The following STK32C variants were observed in gnomAD, a reference collection of about 807,000 sequenced individuals.
STK32C encodes serine/threonine kinase 32C.
A neutral mutation model predicts 56.5 loss-of-function variants in STK32C; 31 were observed. The ratio of observed to expected loss-of-function variants is 0.55; its 90% CI spans 0.41 to 0.74. STK32C has a LOEUF of 0.74. STK32C is among the 30% of genes least tolerant of loss of function. STK32C has a pLI of 0.00. For synonymous variants in STK32C, 309 were observed against 289.4 expected (o/e 1.07, Z -0.69); for missense variants, 544 against 676.9 (o/e 0.80, Z 2.18).
intron 1 of STK32C, among the ~76,000 whole-genome samples, chr10:132,259,321 C>T (rs912801893): frequency 3.3e-5 from 5 of 152,226 alleles, no homozygotes; most frequent in African/African-American, 1.2e-4. Context: ...TATGGTTTGG[C>T]TCTATGTCCC....
At chr10:132,240,494 A>AGCCC (rs900836436) in intron 2 of STK32C, among the ~76,000 whole-genome samples, 12 of 152,174 alleles carry the variant, frequency 7.9e-5, no homozygotes, top group African/African-American at 2.7e-4. Flanking sequence ...GGAGCTGGGG[A>AGCCC]GCCCGGCCAG....
intron 1 of STK32C, among the ~76,000 whole-genome samples, chr10:132,268,083 G>A (rs1198653345): frequency 2.0e-5 from 3 of 150,960 alleles, no homozygotes; most frequent in Non-Finnish European, 4.4e-5. Flanking sequence ...GTGTGTGTGT[G>A]TCGGTGTGTG....
At chr10:132,296,516 A>C (rs938820358) in intron 1 of STK32C, among the ~76,000 whole-genome samples, 12 of 152,286 alleles carry the variant, frequency 7.9e-5, no homozygotes, top group Middle Eastern at 6.8e-3. Context: ...AACTATCCTG[A>C]AATTTAAAAG....
Position 132,324,375 on chromosome 10 carries a change from T to C in STK32C, c.302-2A>G, listed in dbSNP as rs2066459947. On this transcript the variant is annotated splice_acceptor_variant, in intron 1 of 1. Transcript: ENST00000368619. LOFTEE classifies it high-confidence loss of function. ...TCCTGGGGTGTGCTCTCAGAAGACC[T>C]ATATGAGGAAACAGAGGTCATCTTC... is the stretch of plus-strand genomic sequence containing the variant. The C allele has an allele frequency of 1.3e-6, 1 of 776,872 alleles. No individual in the cohort carries two copies. The highest frequency in any genetic ancestry group is 1.4e-5 in the South Asian group (1 of 74,042). The allele number at this position is 776,872 out of a possible 1,614,324, so 48.1% of individuals were successfully genotyped here.
intron 1 of STK32C, among the ~76,000 whole-genome samples, chr10:132,269,706 C>A (rs1394891117): frequency 6.6e-6 from 1 of 152,262 alleles, no homozygotes; most frequent in Non-Finnish European, 1.5e-5. Context: ...CAGACCCTTG[C>A]CTCGCCTTGC....
chr10:132,291,016 C>T (rs1223219535), intron 1 of STK32C, among the ~76,000 whole-genome samples: 2 of 152,244 alleles, frequency 1.3e-5, no homozygotes, highest in African/African-American at 2.4e-5. Context: ...TCCCTTCCGG[C>T]TCTCTCCTGC....
intron 1 of STK32C, among the ~76,000 whole-genome samples, chr10:132,268,876 C>T (rs576471581): frequency 4.0e-5 from 5 of 124,588 alleles, no homozygotes; most frequent in African/African-American, 9.3e-5. Context: ...TGTCCCACAT[C>T]GTGTGTATGT....
rs11812943 is a variant in STK32C at position 132,210,184 on chromosome 10, G to A, written c.1252-1083C>T. On this transcript the variant is annotated intron_variant, in intron 10 of 11. Transcript: ENST00000298630. ...GAGACGGACAACAGCATGCTTTCACGGCCCCAGCCAGGGCTAAGGGGACTC... is the reference window on the plus strand; with the variant it reads ...GAGACGGACAACAGCATGCTTTCACAGCCCCAGCCAGGGCTAAGGGGACTC... Among the ~76,000 whole-genome samples the A allele has an allele frequency of 2.6e-3, 389 of 152,254 alleles. 4 individuals are homozygous for A. Among genetic ancestry groups the A allele is most frequent in the African/African-American group, 9.0e-3 (374 of 41,568 alleles).
intron 1 of STK32C, among the ~76,000 whole-genome samples, chr10:132,294,225 G>C (rs1289633130): frequency 6.6e-6 from 1 of 152,146 alleles, no homozygotes; most frequent in Admixed American, 6.6e-5. Flanking sequence ...CAGAGTCAGA[G>C]ACGAGGAGGA....
intron 1 of STK32C, among the ~76,000 whole-genome samples, chr10:132,295,510 G>A (rs548858492): frequency 9.9e-5 from 15 of 152,228 alleles, no homozygotes; most frequent in Non-Finnish European, 2.1e-4. Flanking sequence ...TACAACCAGC[G>A]TGTAAAATCA....
chr10:132,308,706 C>A (rs541584786), upstream of STK32C, among the ~76,000 whole-genome samples: 631 of 152,318 alleles, frequency 4.1e-3, 6 homozygotes, highest in African/African-American at 0.015. Context: ...CGGCCTGAGA[C>A]CGCGTGCCCG....
intron 1 of STK32C, among the ~76,000 whole-genome samples, chr10:132,325,495 G>A (rs2066479092): frequency 6.6e-6 from 1 of 151,238 alleles, no homozygotes; most frequent in African/African-American, 2.4e-5. Flanking sequence ...GGAGCTTCCA[G>A]TGAGCCGAGA....
upstream of STK32C, among the ~76,000 whole-genome samples, chr10:132,311,051 A>AC (rs1051884985): frequency 2.3e-4 from 35 of 152,126 alleles, no homozygotes; most frequent in African/African-American, 8.5e-4. The surrounding 1 kb of genome is among the most constrained non-coding windows in gnomAD (Gnocchi z 4.4). Flanking sequence ...AGTCCCTGAC[A>AC]CCAGGCTTCA....
chr10:132,269,082 G>C lies in STK32C; in HGVS notation c.263-23127C>G, dbSNP rs550037059. Among the ~76,000 whole-genome samples, 385 of 149,646 alleles carry C rather than the reference G, an allele frequency of 2.6e-3. 1 individual carries two copies. The highest frequency in any genetic ancestry group is 9.0e-3 in the African/African-American group (366 of 40,622). Reference sequence around the variant, plus strand: ...GTGCATGCATGTGTATGCAGGTGCAGCTGTGCCTGCGTGCGTCACATCGTG... The same window carrying C: ...GTGCATGCATGTGTATGCAGGTGCACCTGTGCCTGCGTGCGTCACATCGTG... On this transcript the variant is annotated intron_variant, in intron 1 of 11. Transcript: ENST00000298630.
intron 8 of STK32C, 88 bp from the exon 9 acceptor site, chr10:132,223,074 G>A (rs2062741366): frequency 4.7e-6 from 7 of 1,483,610 alleles, no homozygotes; most frequent in South Asian, 1.3e-5. Context: ...GCACCTTGAG[G>A]AGGGTCCCAC....
At chr10:132,224,619 C>G (rs532857493) in intron 7 of STK32C, 96 bp from the exon 8 acceptor site, 4 of 862,268 alleles carry the variant, frequency 4.6e-6, no homozygotes, top group South Asian at 1.5e-5. Context: ...AGAGGACCCC[C>G]TCCCCCCACC....
intron 2 of STK32C, among the ~76,000 whole-genome samples, chr10:132,235,493 T>TCAAAAA (rs1565091831): frequency 0.01 from 757 of 72,334 alleles, 148 homozygotes; most frequent in African/African-American, 0.031. Flanking sequence ...AGACTCAGCC[T>TCAAAAA]TAAAAAAAAA....
At chr10:132,224,645 G>C (rs1321347924) in intron 7 of STK32C, 122 bp from the exon 8 acceptor site, 3 of 727,312 alleles carry the variant, frequency 4.1e-6, no homozygotes, top group Non-Finnish European at 7.1e-6. Flanking sequence ...TGCAGGCACA[G>C]CTCTGAGCAC....
chr10:132,227,442 A>G (rs567950307), intron 3 of STK32C, among the ~76,000 whole-genome samples: 1 of 152,162 alleles, frequency 6.6e-6, no homozygotes, highest in South Asian at 2.1e-4. Flanking sequence ...GGTGACGGTG[A>G]TGGTGAGGAT....
Sources: allele counts gnomAD v4.1 joint callset (sites outside exome capture counted in the v4.1 genomes callset), GRCh38; gene constraint gnomAD v4.1.1; non-coding constraint Gnocchi (gnomAD v3.1); transcripts MANE v1.5; gene names NCBI Gene and HGNC (gene_info 2026-07-23, HGNC 2026-07-21).